Variants in PDGFRL observed in about 807,000 individuals in gnomAD.
PDGFRL encodes the protein platelet-derived growth factor receptor-like protein.
In PDGFRL, 46 loss-of-function variants were observed where a neutral mutation model predicts 37.2. The observed-to-expected ratio is 1.24, with a 90% CI of 0.98 to 1.58. PDGFRL has a LOEUF of 1.58. PDGFRL is among the 40% of genes most tolerant of loss of function. The pLI is 0.00. For synonymous variants in PDGFRL, 251 were observed against 184.3 expected, an observed-to-expected ratio of 1.36 and a Z score of -2.93; for missense variants, 692 against 467.6, an observed-to-expected ratio of 1.48 and a Z score of -4.43.
intron 1 of PDGFRL, among the ~76,000 whole-genome samples, chr8:17,579,090 T>C (rs1340747381): frequency 4.0e-5 from 6 of 151,856 alleles, no homozygotes; most frequent in Non-Finnish European, 8.8e-5. Flanking sequence ...CCCAGCTACT[T>C]GGGAGGGTGA....
intron 2 of PDGFRL, among the ~76,000 whole-genome samples, chr8:17,613,473 C>G (rs2129729271): frequency 6.6e-6 from 1 of 152,182 alleles, no homozygotes; most frequent in East Asian, 1.9e-4. Context: ...CAGGCAGTGC[C>G]AAGAATAGGA....
intron 2 of PDGFRL, among the ~76,000 whole-genome samples, chr8:17,619,715 T>C (rs927484666): frequency 2.6e-5 from 4 of 152,242 alleles, no homozygotes; most frequent in African/African-American, 7.2e-5. Context: ...TAATGCTGTG[T>C]GCTTTCATTT....
intron 3 of PDGFRL, among the ~76,000 whole-genome samples, chr8:17,626,045 T>A (rs1804727513): frequency 6.6e-6 from 1 of 152,216 alleles, no homozygotes; most frequent in African/African-American, 2.4e-5. Context: ...TTCACACGGT[T>A]CACTTATTCG....
At chr8:17,605,588 A>G (rs889229985) in intron 2 of PDGFRL, among the ~76,000 whole-genome samples, 2 of 152,204 alleles carry the variant, frequency 1.3e-5, no homozygotes, top group East Asian at 3.9e-4. Flanking sequence ...GAAACGGAGA[A>G]TAAGTGGGTC....
At chr8:17,590,841 A>C (rs1295933419) in intron 2 of PDGFRL, among the ~76,000 whole-genome samples, 1 of 152,052 alleles carries the variant, frequency 6.6e-6, no homozygotes, top group African/African-American at 2.4e-5. Flanking sequence ...ACCAGATATC[A>C]ACTTCAACTA....
At position 17,589,696 on chromosome 8, in the gene PDGFRL, G is replaced by A. The variant is rs761035084; in HGVS notation, c.284G>A (p.Arg95Gln). Residue 95 changes from arginine to glutamine, a missense_variant, in exon 2 of 6, where the codon CGA becomes CAA. By Grantham distance (43) the Arg-to-Gln change is conservative. Coordinates refer to ENST00000251630, the MANE Select transcript of PDGFRL (RefSeq NM_001372073.1). ...SLLAGQTVELRCKGSRIGWSY... is the reference protein window; with the variant it reads ...SLLAGQTVELQCKGSRIGWSY... ...CTGGCGGGGCAAACTGTAGAGCTTC[G>A]ATGTAAAGGGAGTAGAATTGGGTGG... The A allele has an allele frequency of 4.3e-6, 7 of 1,613,472 alleles. No homozygotes were observed. The South Asian group carries it at 4.4e-5, about 10-fold the overall frequency.
At chr8:17,580,283 A>T (rs1462935794) in intron 1 of PDGFRL, among the ~76,000 whole-genome samples, 3 of 152,202 alleles carry the variant, frequency 2.0e-5, no homozygotes, top group African/African-American at 7.2e-5. Flanking sequence ...GGATTCTCTA[A>T]CCAAGAGCCT....
chr8:17,592,678 T>C (rs1314823200), intron 2 of PDGFRL, among the ~76,000 whole-genome samples: 1 of 152,184 alleles, frequency 6.6e-6, no homozygotes, highest in Non-Finnish European at 1.5e-5. Flanking sequence ...AGTACCGGGC[T>C]AACCTCAGGC....
intron 2 of PDGFRL, among the ~76,000 whole-genome samples, chr8:17,597,720 TGCAGAAATCCA>T (rs1804084609): frequency 6.6e-6 from 1 of 152,146 alleles, no homozygotes; most frequent in African/African-American, 2.4e-5. Flanking sequence ...GATTGGAGGA[TGCAGAAATCCA>T]TCTCTTCTTA....
chr8:17,640,772 T>G (rs1805074944), intron 5 of PDGFRL, among the ~76,000 whole-genome samples: 1 of 152,152 alleles, frequency 6.6e-6, no homozygotes, highest in Non-Finnish European at 1.5e-5. Context: ...GGTGGCACTT[T>G]AAAGACAGCA....
intron 4 of PDGFRL, 128 bp downstream of exon 4, chr8:17,628,908 T>C (rs1171073255): frequency 3.1e-6 from 2 of 654,194 alleles, no homozygotes; most frequent in Non-Finnish European, 5.3e-6. Flanking sequence ...TGTTGGGTTG[T>C]TGTTGTTTTT....
intron 2 of PDGFRL, among the ~76,000 whole-genome samples, chr8:17,603,814 G>T (rs899201586): frequency 6.6e-6 from 1 of 152,144 alleles, no homozygotes; most frequent in Non-Finnish European, 1.5e-5. Flanking sequence ...GCTAACCGAA[G>T]TATGCTGTCA....
chr8:17,624,569 A>C (rs1230993854), intron 3 of PDGFRL, among the ~76,000 whole-genome samples: 1 of 152,142 alleles, frequency 6.6e-6, no homozygotes, highest in African/African-American at 2.4e-5. Flanking sequence ...CTCATAGTAA[A>C]AGGCTGAGGC....
In PDGFRL at chr8:17,596,227, G is replaced by T. The variant is rs149020795; in HGVS notation, c.353+6462G>T. The T allele has an allele frequency of 1.1e-3, 617 of 575,572 alleles. 11 individuals carry two copies. In the East Asian group the frequency reaches 0.018, roughly 17 times the overall value. The allele number at this position is 575,572 out of a possible 1,614,324, so 35.7% of individuals were successfully genotyped here. A position where few individuals can be genotyped will look rare whatever the true frequency, so the allele number is the denominator to read the frequency against. On this transcript the variant is annotated intron_variant, in intron 2 of 5. Coordinates refer to ENST00000251630, the MANE Select transcript of PDGFRL (RefSeq NM_001372073.1). ...CGTCCACTGAGCCCCGTGTGACTCT[G>T]ACCGGGCTGGGGGTGTCCATGTCCT...
At chr8:17,582,596 A>G (rs904986947) in intron 1 of PDGFRL, among the ~76,000 whole-genome samples, 1 of 151,984 alleles carries the variant, frequency 6.6e-6, no homozygotes, top group Non-Finnish European at 1.5e-5. Flanking sequence ...AAAAAAAAAA[A>G]AAAACTTAGG....
chr8:17,596,084 C>T (rs1227984893), intron 2 of PDGFRL, among the ~76,000 whole-genome samples: 1 of 150,944 alleles, frequency 6.6e-6, no homozygotes, highest in African/African-American at 2.5e-5. Context: ...CAATGGGAAG[C>T]AACCAGCCAG....
chr8:17,623,771 G>T (rs1381624554), intron 3 of PDGFRL, among the ~76,000 whole-genome samples: 3 of 151,784 alleles, frequency 2.0e-5, no homozygotes, highest in African/African-American at 7.3e-5. Context: ...CTGCTCAGGA[G>T]GCTGAAGCAG....
chr8:17,617,825 T>C (rs1804558616), intron 2 of PDGFRL, among the ~76,000 whole-genome samples: 1 of 152,178 alleles, frequency 6.6e-6, no homozygotes, highest in Non-Finnish European at 1.5e-5. Flanking sequence ...TGGCATCTTA[T>C]ACTTTCTATC....
chr8:17,583,669 C>T (rs1032496116), intron 1 of PDGFRL, among the ~76,000 whole-genome samples: 1 of 152,102 alleles, frequency 6.6e-6, no homozygotes, highest in Non-Finnish European at 1.5e-5. Flanking sequence ...GTGTTTGAGT[C>T]GTGGGGGTGG....
Sources: allele counts gnomAD v4.1 joint callset (sites outside exome capture counted in the v4.1 genomes callset), GRCh38; gene constraint gnomAD v4.1.1; transcripts MANE v1.5; gene names NCBI Gene and HGNC (gene_info 2026-07-23, HGNC 2026-07-21).